RREB1: variants seen among roughly 807,000 people sequenced by gnomAD.
The protein encoded by RREB1 is ras responsive element binding protein 1.
RREB1 carries 27 observed loss-of-function variants against 117.8 expected under a neutral mutation model. The ratio of observed to expected loss-of-function variants is 0.23; its 90% confidence interval spans 0.17 to 0.32. RREB1 has a LOEUF of 0.32. Among genes scored for constraint, RREB1 ranks in the 10% least tolerant of loss-of-function variants. RREB1 has a pLI of 1.00. For synonymous variants in RREB1, 1,298 were observed against 1,026.7 expected (o/e 1.26, Z -5.05); for missense variants, 2,577 against 2,378.2 (o/e 1.08, Z -1.74).
At chr6:7,129,994 C>T (rs1262692584) in intron 1 of RREB1, among the ~76,000 whole-genome samples, 3 of 152,192 alleles carry the variant, frequency 2.0e-5, no homozygotes, top group Admixed American at 6.5e-5. Context: ...GCCCAGAGCA[C>T]CGTGAGCTGG....
At chr6:7,228,888 C>A in intron 9 of RREB1, 109 bp from the exon 10 acceptor site, 1 of 964,700 alleles carries the variant, frequency 1.0e-6, no homozygotes. Flanking sequence ...TGGGGAAAGG[C>A]TGTGTACTGG....
At chr6:7,165,212 C>A (rs1195851384) in intron 1 of RREB1, among the ~76,000 whole-genome samples, 1 of 152,286 alleles carries the variant, frequency 6.6e-6, no homozygotes, top group African/African-American at 2.4e-5. Flanking sequence ...TTAAACAAGT[C>A]AAACAGCCCC....
chr6:7,180,476 A>G (rs952688928), intron 2 of RREB1, among the ~76,000 whole-genome samples: 2 of 152,140 alleles, frequency 1.3e-5, no homozygotes, highest in African/African-American at 4.8e-5. Flanking sequence ...GGATAATAGG[A>G]TCTTAATATC....
intron 6 of RREB1, among the ~76,000 whole-genome samples, chr6:7,198,598 A>G (rs944134282): frequency 2.0e-5 from 3 of 152,198 alleles, no homozygotes; most frequent in African/African-American, 7.2e-5. Context: ...TAGTTGTATG[A>G]ACTGTATATA....
In RREB1 at chr6:7,231,251, T is replaced by G; in HGVS notation, c.3152T>G (p.Leu1051Arg). Residue 1051 changes from leucine (L) to arginine (R), a missense_variant, in exon 10 of 13, where the codon CTG (leucine) becomes CGG (arginine). By Grantham distance (102) the Leu-to-Arg change is moderately radical. Transcript: ENST00000379938. ...CGTCCACTGCGGCCCAAGCCCCCGCTGCTTTTGCCAAAGCCCCCCGTGACA... is the reference window on the plus strand; with the variant it reads ...CGTCCACTGCGGCCCAAGCCCCCGCGGCTTTTGCCAAAGCCCCCCGTGACA... ...LLRPLRPKPP[L>R]LLPKPPVTEE... 2 of 1,612,578 alleles carry G rather than the reference T, an allele frequency of 1.2e-6. No individual in the cohort carries two copies. Among genetic ancestry groups the G allele is most frequent in the South Asian group, 2.2e-5 (2 of 91,008 alleles).
chr6:7,127,841 C>A (rs575433160), intron 1 of RREB1, among the ~76,000 whole-genome samples: 1 of 152,114 alleles, frequency 6.6e-6, no homozygotes, highest in East Asian at 1.9e-4. Context: ...ATCTGGGTCA[C>A]GACTCTGCCC....
At chr6:7,197,572 G>T (rs1371396031) in intron 6 of RREB1, among the ~76,000 whole-genome samples, 1 of 152,204 alleles carries the variant, frequency 6.6e-6, no homozygotes, top group African/African-American at 2.4e-5. Context: ...TACTCAGGAA[G>T]TTGAGTTCAC....
Position 7,226,683 on chromosome 6 carries a change from C to T in RREB1, c.897+27C>T, listed in dbSNP as rs758976792. The T allele has an allele frequency of 1.9e-6, 3 of 1,559,580 alleles. No homozygotes were observed. The South Asian group carries it at 3.4e-5, about 18-fold the overall frequency. Reference sequence around the variant, plus strand: ...TATTCTGATCAGCCCATGGAAGCAACCAGCAACTGCCTTCCATGGTCCACA... The same window carrying T: ...TATTCTGATCAGCCCATGGAAGCAATCAGCAACTGCCTTCCATGGTCCACA... On this transcript the variant is annotated intron_variant, in intron 9 of 12. Transcript: ENST00000379938.
chr6:7,215,889 A>T (rs1766871233), intron 8 of RREB1: 1 of 152,188 alleles, frequency 6.6e-6, no homozygotes, highest in Non-Finnish European at 1.5e-5. Flanking sequence ...GAGGTTTCAG[A>T]TGAGCCACCT....
intron 10 of RREB1, among the ~76,000 whole-genome samples, chr6:7,236,218 C>G (rs905541744): frequency 6.6e-6 from 1 of 152,218 alleles, no homozygotes; most frequent in Non-Finnish European, 1.5e-5. Context: ...CCTCTGTCCT[C>G]ATTTTCTTCC....
At chr6:7,233,302 T>C (rs915158850) in intron 10 of RREB1, among the ~76,000 whole-genome samples, 1 of 152,258 alleles carries the variant, frequency 6.6e-6, no homozygotes, top group African/African-American at 2.4e-5. Flanking sequence ...GCTTCTAGTA[T>C]ATAAATGGCC....
chr6:7,175,625 A>AG (rs1196739572), intron 1 of RREB1, among the ~76,000 whole-genome samples: 1 of 152,174 alleles, frequency 6.6e-6, no homozygotes, highest in Non-Finnish European at 1.5e-5. Context: ...ACGTTAGCTG[A>AG]GGGAGGCTGT....
At chr6:7,122,953 A>C (rs1761740401) in intron 1 of RREB1, among the ~76,000 whole-genome samples, 1 of 152,152 alleles carries the variant, frequency 6.6e-6, no homozygotes. Context: ...TATTTTGAAG[A>C]GTGCTGGATA....
intron 1 of RREB1, among the ~76,000 whole-genome samples, chr6:7,125,267 G>T (rs1441529213): frequency 1.3e-5 from 2 of 152,238 alleles, no homozygotes; most frequent in South Asian, 2.1e-4. Flanking sequence ...GAAAGACCTG[G>T]TGGAGAGGTA....
intron 11 of RREB1, among the ~76,000 whole-genome samples, chr6:7,242,648 C>T (rs926981814): frequency 6.6e-6 from 1 of 151,326 alleles, no homozygotes; most frequent in Non-Finnish European, 1.5e-5. Flanking sequence ...GGGTTCCCCC[C>T]CCCCAGTGAA....
At chr6:7,153,101 GA>G (rs1221182976) in intron 1 of RREB1, among the ~76,000 whole-genome samples, 1 of 143,728 alleles carries the variant, frequency 7.0e-6, no homozygotes, top group Non-Finnish European at 1.5e-5. Context: ...ATCTTTGTGA[GA>G]GGGTTTTTTT....
At chr6:7,204,307 C>G (rs146234262) in intron 6 of RREB1, among the ~76,000 whole-genome samples, 3 of 151,296 alleles carry the variant, frequency 2.0e-5, no homozygotes, top group Non-Finnish European at 4.4e-5. Flanking sequence ...GTCCTCCCCC[C>G]GCCCCCTCCC....
chr6:7,134,370 G>A (rs528456514), intron 1 of RREB1, among the ~76,000 whole-genome samples: 1 of 152,260 alleles, frequency 6.6e-6, no homozygotes, highest in East Asian at 1.9e-4. Flanking sequence ...TCTTACATAG[G>A]GCACTGTGTT....
chr6:7,128,223 A>G (rs1762017060), intron 1 of RREB1, among the ~76,000 whole-genome samples: 1 of 152,180 alleles, frequency 6.6e-6, no homozygotes, highest in Non-Finnish European at 1.5e-5. Flanking sequence ...CACTGAAAAC[A>G]GATTGTTTCA....
Sources: gnomAD v4.1 joint callset for allele counts (sites outside exome capture counted in the v4.1 genomes callset) on GRCh38, gnomAD v4.1.1 for gene constraint, MANE v1.5 for transcripts, NCBI Gene and HGNC (gene_info 2026-07-23, HGNC 2026-07-21) for gene names.